The following ACKR3 variants were observed in gnomAD, a reference collection of about 807,000 sequenced individuals.
ACKR3 encodes atypical chemokine receptor 3, also known as C-X-C chemokine receptor type 7.
In ACKR3, 6 loss-of-function variants were observed where a neutral mutation model predicts 22.4. The observed-to-expected ratio is 0.27, with a 90% confidence interval of 0.15 to 0.53. ACKR3 has a LOEUF of 0.53. Ranked by LOEUF, ACKR3 falls within the 20% of genes least tolerant of loss-of-function variation. The pLI is 0.96. For synonymous variants in ACKR3, 209 were observed against 205.2 expected, an observed-to-expected ratio of 1.02 and a Z score of -0.16; for missense variants, 396 against 475.2, an observed-to-expected ratio of 0.83 and a Z score of 1.55.
chr2:236,564,308 G>A (rs1359173577), upstream of ACKR3, among the ~76,000 whole-genome samples: 2 of 152,224 alleles, frequency 1.3e-5, no homozygotes, highest in Non-Finnish European at 2.9e-5. Context: ...TGCAACTGGG[G>A]CTCTTGAGCC....
chr2:236,537,183 A>C, the ACKR3 span, among the ~76,000 whole-genome samples: 1 of 152,220 alleles, frequency 6.6e-6, no homozygotes, highest in Non-Finnish European at 1.5e-5. Context: ...GCACTGTGGC[A>C]AGCGGTCTAC....
At chr2:236,572,456 G>T (rs1691329305) in intron 1 of ACKR3, among the ~76,000 whole-genome samples, 1 of 152,236 alleles carries the variant, frequency 6.6e-6, no homozygotes, top group South Asian at 2.1e-4. Flanking sequence ...GTCTGGGTCA[G>T]CCAGATAGTA....
At chr2:236,557,085 A>C in the ACKR3 span, among the ~76,000 whole-genome samples, 77 of 152,354 alleles carry the variant, frequency 5.1e-4, no homozygotes, top group African/African-American at 1.3e-3. Flanking sequence ...CAAATAAATA[A>C]TTATAACGAG....
At chr2:236,576,666 G>A (rs958500335) in intron 1 of ACKR3, among the ~76,000 whole-genome samples, 1 of 152,218 alleles carries the variant, frequency 6.6e-6, no homozygotes, top group African/African-American at 2.4e-5. Flanking sequence ...AGTGGGCCCT[G>A]CCCACCCTAA....
At chr2:236,561,541 T>C in the ACKR3 span, among the ~76,000 whole-genome samples, 2 of 152,290 alleles carry the variant, frequency 1.3e-5, no homozygotes, top group African/African-American at 4.8e-5. Context: ...GGAGTCTCAT[T>C]CTGTTGCCCG....
At chr2:236,559,871 A>G in the ACKR3 span, among the ~76,000 whole-genome samples, 3 of 152,152 alleles carry the variant, frequency 2.0e-5, 1 homozygote, top group Admixed American at 2.0e-4. Context: ...TGGACTCTCT[A>G]TTTTGTTTCC....
the ACKR3 span, among the ~76,000 whole-genome samples, chr2:236,557,049 A>G: frequency 6.6e-6 from 1 of 152,252 alleles, no homozygotes; most frequent in African/African-American, 2.4e-5. Flanking sequence ...TAAGACGCTA[A>G]TAAAGTTACA....
upstream of ACKR3, among the ~76,000 whole-genome samples, chr2:236,567,609 C>T (rs577588664): frequency 5.2e-3 from 797 of 152,328 alleles, 5 homozygotes; most frequent in African/African-American, 0.018. Context: ...AGGAGACAGC[C>T]AAGTTCAGGC....
chr2:236,540,015 G>T, the ACKR3 span, among the ~76,000 whole-genome samples: 1 of 152,178 alleles, frequency 6.6e-6, no homozygotes. Flanking sequence ...GACACAGGAG[G>T]ATTATTACAT....
At chr2:236,550,558 G>C in the ACKR3 span, among the ~76,000 whole-genome samples, 24 of 152,264 alleles carry the variant, frequency 1.6e-4, no homozygotes, top group African/African-American at 5.8e-4. The surrounding 1 kb of genome is among the most constrained non-coding windows in gnomAD (Gnocchi z 4.6). Flanking sequence ...CTAGGGGTGA[G>C]CAGGCCTGAG....
chr2:236,580,442 C>G lies in ACKR3; in HGVS notation c.-24C>G. 6.3e-7 allele frequency: 1 copy of G among 1,591,648 alleles called. No individual in the cohort carries two copies. The highest frequency in any genetic ancestry group is 8.6e-7 in the Non-Finnish European group (1 of 1,163,542). ...TTGTTTGCTTGGTTTTCTCATAGGT[C>G]ATTTGATTGCCCGCCTCAGAACGAT... On this transcript the variant is annotated splice_region_variant and 5_prime_UTR_variant, in exon 2 of 2. Transcript: ENST00000272928.
chr2:236,564,592 G>GTT (rs532204731), upstream of ACKR3, among the ~76,000 whole-genome samples: 1,288 of 129,292 alleles, frequency 1.0e-2, 29 homozygotes, highest in African/African-American at 0.035. Context: ...TTCCTTCCTA[G>GTT]TTTTTTTTTT....
rs1482779054 is a variant in ACKR3, at chr2:236,581,173, C to T, written c.708C>T (p.Ala236=). Residue 236 remains alanine, a synonymous_variant, in exon 2 of 2, where the codon GCC becomes GCT. Transcript: ENST00000272928. This position sits in a 1 kb window ranked among gnomAD's most constrained non-coding sequence, Gnocchi z 4.4. Reference sequence around the variant, plus strand: ...TCGCTGTCTTCTACTTCCTGCTGGCCAGAGCCATCTCGGCGTCCAGTGACC... The same window carrying T: ...TCGCTGTCTTCTACTTCCTGCTGGCTAGAGCCATCTCGGCGTCCAGTGACC... The part of the protein sequence containing the change: ...SIIAVFYFLL[A]RAISASSDQE... 1 of 1,613,862 alleles carries T rather than the reference C, an allele frequency of 6.2e-7. No individual in the cohort carries two copies. The highest frequency in any genetic ancestry group is 1.3e-5 in the African/African-American group (1 of 75,056).
At chr2:236,578,952 T>C (rs917794494) in intron 1 of ACKR3, among the ~76,000 whole-genome samples, 1 of 152,270 alleles carries the variant, frequency 6.6e-6, no homozygotes, top group Non-Finnish European at 1.5e-5. Context: ...TGACGTTTTA[T>C]TGAGCATCGG....
the ACKR3 span, among the ~76,000 whole-genome samples, chr2:236,553,079 G>A: frequency 5.3e-5 from 8 of 152,160 alleles, no homozygotes; most frequent in East Asian, 1.9e-4. Flanking sequence ...AATTTTGTCC[G>A]TTCCAGGCCG....
chr2:236,563,833 G>A (rs552063778), upstream of ACKR3, among the ~76,000 whole-genome samples: 47 of 152,288 alleles, frequency 3.1e-4, no homozygotes, highest in Non-Finnish European at 4.4e-4. Flanking sequence ...CTGTAGGTGG[G>A]TTACTGCAGC....
chr2:236,537,295 T>C, the ACKR3 span, among the ~76,000 whole-genome samples: 2 of 152,162 alleles, frequency 1.3e-5, no homozygotes, highest in Non-Finnish European at 2.9e-5. Context: ...CAGCCTGCCT[T>C]GGTCCTAAGT....
Position 236,578,025 on chromosome 2 carries a change from C to T in ACKR3, c.-26-2415C>T, listed in dbSNP as rs1191152563. Reference sequence around the variant, plus strand: ...ACCAAGCCATGATGCAAATGTGTTTCGTTTTAAGGAAATGGGAGAAAGGAA... The same window carrying T: ...ACCAAGCCATGATGCAAATGTGTTTTGTTTTAAGGAAATGGGAGAAAGGAA... On this transcript the variant is annotated intron_variant, in intron 1 of 1. Transcript: ENST00000272928. 3.9e-5 allele frequency among the ~76,000 whole-genome samples: 6 copies of T among 152,282 alleles called. No individual in the cohort carries two copies. The South Asian group carries it at 6.2e-4, about 16-fold the overall frequency.
At chr2:236,553,328 A>G in the ACKR3 span, among the ~76,000 whole-genome samples, 1 of 152,238 alleles carries the variant, frequency 6.6e-6, no homozygotes, top group Non-Finnish European at 1.5e-5. Flanking sequence ...AGCTTGGCTC[A>G]TCATATGTCC....
Sources: gnomAD v4.1 joint callset for allele counts (sites outside exome capture counted in the v4.1 genomes callset) on GRCh38, gnomAD v4.1.1 for gene constraint, Gnocchi (gnomAD v3.1) non-coding constraint, MANE v1.5 for transcripts, NCBI Gene and HGNC (gene_info 2026-07-23, HGNC 2026-07-21) for gene names.